RBL1: variants seen among roughly 807,000 people sequenced by gnomAD.
The protein encoded by RBL1 is RB transcriptional corepressor like 1.
Under a neutral mutation model 123.0 loss-of-function variants are expected in RBL1, and 82 were observed. The observed-to-expected ratio is 0.67, with a 90% CI of 0.56 to 0.80. RBL1 has a LOEUF of 0.80. Among genes scored for constraint, RBL1 ranks in the 30% least tolerant of loss-of-function variants. RBL1 has a pLI of 0.00. For synonymous variants in RBL1, 405 were observed against 441.3 expected (o/e 0.92, Z 1.03); for missense variants, 1,171 against 1,299.6 (o/e 0.90, Z 1.52).
At chr20:37,067,158 A>C (rs901725973) in intron 4 of RBL1, 37 bp from the exon 5 acceptor site, 6 of 1,570,812 alleles carry the variant, frequency 3.8e-6, no homozygotes, top group African/African-American at 2.8e-5. Flanking sequence ...AGACACAAAA[A>C]CCAGAAACCT....
At chr20:37,046,539 T>C (rs1441066758) in intron 12 of RBL1, among the ~76,000 whole-genome samples, 1 of 151,818 alleles carries the variant, frequency 6.6e-6, no homozygotes, top group African/African-American at 2.4e-5. Context: ...GCTGGGATTA[T>C]AGGTGTGAGC....
intron 14 of RBL1, among the ~76,000 whole-genome samples, chr20:37,036,178 A>G (rs554892040): frequency 6.6e-6 from 1 of 152,268 alleles, no homozygotes; most frequent in South Asian, 2.1e-4. Context: ...GGGTTTTTCT[A>G]GCCCCTTACA....
At chr20:37,009,630 G>T (rs1275472837) in intron 19 of RBL1, among the ~76,000 whole-genome samples, 1 of 152,056 alleles carries the variant, frequency 6.6e-6, no homozygotes, top group Non-Finnish European at 1.5e-5. Context: ...AAAGTGCTGG[G>T]ATTACAGACA....
intron 13 of RBL1, among the ~76,000 whole-genome samples, chr20:37,043,664 C>T (rs1362109246): frequency 3.3e-5 from 5 of 151,812 alleles, no homozygotes; most frequent in Admixed American, 6.6e-5. Flanking sequence ...AGTGAAACCC[C>T]GCCTTAAAAA....
chr20:37,047,304 G>C (rs1278582727), intron 11 of RBL1, 114 bp from the exon 12 acceptor site: 3 of 1,192,026 alleles, frequency 2.5e-6, no homozygotes, highest in South Asian at 1.7e-5. Flanking sequence ...TATTACACTA[G>C]ATTACTGGAG....
intron 9 of RBL1, among the ~76,000 whole-genome samples, chr20:37,059,635 C>T (rs1600551396): frequency 6.6e-6 from 1 of 152,176 alleles, no homozygotes. Context: ...CCTCTTTCCC[C>T]AACACTGCTT....
chr20:37,011,294 A>G (rs1366738957), intron 19 of RBL1, among the ~76,000 whole-genome samples: 2 of 152,162 alleles, frequency 1.3e-5, no homozygotes, highest in Admixed American at 1.3e-4. Context: ...GTCTGCTAAC[A>G]TGACATTGAA....
chr20:37,046,601 T>A (rs1033505730), intron 12 of RBL1, among the ~76,000 whole-genome samples: 2 of 150,598 alleles, frequency 1.3e-5, no homozygotes, highest in African/African-American at 4.9e-5. Context: ...AAGAGGAATA[T>A]ATATTATCTT....
intron 2 of RBL1, among the ~76,000 whole-genome samples, chr20:37,080,181 AAG>A (rs1475585784): frequency 6.6e-6 from 1 of 152,016 alleles, no homozygotes; most frequent in Non-Finnish European, 1.5e-5. Flanking sequence ...TTTTTGAGAC[AAG>A]AGTCTCGCTC....
At chr20:37,008,221 G>A (rs1234594333) in intron 19 of RBL1, among the ~76,000 whole-genome samples, 20 of 152,204 alleles carry the variant, frequency 1.3e-4, no homozygotes, top group Admixed American at 1.2e-3. Context: ...CTCAGCTTCA[G>A]ACAACTAAAA....
At position 37,008,223 on chromosome 20, in the gene RBL1, C is replaced by A. The variant is rs546375911; in HGVS notation, c.2723-664G>T. ...GGCAGTGGCAAACCTCAGCTTCAGA[C>A]AACTAAAAGGCCTGCAGATATTCTT... On this transcript the variant is annotated intron_variant, in intron 19 of 21. Transcript: ENST00000373664. Among the ~76,000 whole-genome samples the A allele has an allele frequency of 1.4e-4, 22 of 152,278 alleles. No individual in the cohort carries two copies. In the East Asian group the frequency reaches 3.7e-3, roughly 25 times the overall value.
intron 9 of RBL1, among the ~76,000 whole-genome samples, chr20:37,058,115 T>TAAAAAAAAAAAAAA (rs766773271): frequency 1.5e-4 from 12 of 78,400 alleles, no homozygotes; most frequent in East Asian, 5.3e-4. Context: ...AAACTCTGTC[T>TAAAAAAAAAAAAAA]AAAAAAAAAA....
At chr20:37,013,105 G>C (rs900499525) in intron 19 of RBL1, among the ~76,000 whole-genome samples, 1 of 152,232 alleles carries the variant, frequency 6.6e-6, no homozygotes, top group African/African-American at 2.4e-5. Flanking sequence ...AGCTCATTGA[G>C]AACAGGCCAT....
In RBL1 at chr20:36,998,910, T is replaced by C. The variant is rs2063919192; in HGVS notation, c.3056A>G (p.Asn1019Ser). 6.2e-7 allele frequency: 1 copy of C among 1,613,048 alleles called. No individual in the cohort carries two copies. The highest frequency in any genetic ancestry group is 8.5e-7 in the Non-Finnish European group (1 of 1,179,572). ...TCTCTGCTCACCTTGCCTTATCATG[T>C]TGTTGATATCTTTCAAACTCTGTGC... ...SPSKSLKDIN[N>S]MIRQGEQRTK... The change falls in exon 22 of 22, where the codon AAC (asparagine) becomes AGC (serine). Residue 1019 changes from asparagine (N) to serine (S), a missense_variant. Physicochemically the swap from Asn to Ser is conservative, Grantham distance 46. Coordinates refer to ENST00000373664, the MANE Select transcript of RBL1 (RefSeq NM_002895.5).
chr20:37,033,224 C>T (rs1329349550), intron 15 of RBL1, among the ~76,000 whole-genome samples: 1 of 147,506 alleles, frequency 6.8e-6, no homozygotes, highest in African/African-American at 2.5e-5. Flanking sequence ...CTTGCTCTGT[C>T]GCCCAGGCTG....
Position 37,065,455 on chromosome 20 carries a change from G to T in RBL1, c.865C>A (p.Leu289Ile). The T allele has an allele frequency of 6.3e-7, 1 of 1,597,288 alleles. No individual in the cohort carries two copies. Among genetic ancestry groups the T allele is most frequent in the South Asian group, 1.1e-5 (1 of 88,980 alleles). ...TCAGTAAAACTTGAAAGGTCCAGGAGGCATTCTCCTTTTAATATCTGTGAA... is the reference window on the plus strand; with the variant it reads ...TCAGTAAAACTTGAAAGGTCCAGGATGCATTCTCCTTTTAATATCTGTGAA... ...FDRKILKGEC[L>I]LDLSSFTDNS... is the part of the protein sequence containing the mutation. Residue 289 changes from leucine to isoleucine, a missense_variant, in exon 7 of 22, where the codon CTC becomes ATC. By Grantham distance (5) the Leu-to-Ile change is conservative (BLOSUM62 2). Coordinates refer to ENST00000373664, the MANE Select transcript of RBL1 (RefSeq NM_002895.5).
At chr20:37,086,802 C>T (rs1338470053) in intron 2 of RBL1, among the ~76,000 whole-genome samples, 1 of 152,102 alleles carries the variant, frequency 6.6e-6, no homozygotes, top group Admixed American at 6.6e-5. Flanking sequence ...GTATCTGAGA[C>T]CCATAGAGTA....
chr20:37,000,488 G>A (rs1480519415), intron 21 of RBL1, among the ~76,000 whole-genome samples: 9 of 143,242 alleles, frequency 6.3e-5, no homozygotes, highest in African/African-American at 1.6e-4. Context: ...CCCCCCGCCC[G>A]GCCAGCCGCC....
chr20:37,058,154 C>CAAAAAA (rs2065043772), intron 9 of RBL1, among the ~76,000 whole-genome samples: 1 of 131,978 alleles, frequency 7.6e-6, no homozygotes, highest in Non-Finnish European at 1.7e-5. Context: ...AAAAAAAAAG[C>CAAAAAA]CTATTCCAGG....
Sources: allele counts gnomAD v4.1 joint callset (sites outside exome capture counted in the v4.1 genomes callset), GRCh38; gene constraint gnomAD v4.1.1; transcripts MANE v1.5; gene names NCBI Gene and HGNC (gene_info 2026-07-23, HGNC 2026-07-21).